RCAN2: variants seen among roughly 807,000 people sequenced by gnomAD.
The protein encoded by RCAN2 is calcipressin-2.
Under a neutral mutation model 23.6 loss-of-function variants are expected in RCAN2, and 9 were observed. That is an observed-to-expected ratio of 0.38 (90% CI 0.23 to 0.67). The LOEUF is 0.67. Ranked by LOEUF, RCAN2 falls within the 30% of genes least tolerant of loss-of-function variation. The pLI is 0.51. For missense variants in RCAN2, 273 were observed against 302.3 expected, an observed-to-expected ratio of 0.90 and a Z score of 0.72; for synonymous variants, 109 against 115.7, an observed-to-expected ratio of 0.94 and a Z score of 0.37.
intron 2 of RCAN2, among the ~76,000 whole-genome samples, chr6:46,267,227 T>C (rs1005985746): frequency 3.3e-5 from 5 of 152,190 alleles, no homozygotes; most frequent in Non-Finnish European, 5.9e-5. Context: ...AAAGGAATAA[T>C]GTTGTTCTTT....
At chr6:46,299,386 T>C (rs1012743994) in intron 2 of RCAN2, among the ~76,000 whole-genome samples, 4 of 152,066 alleles carry the variant, frequency 2.6e-5, no homozygotes, top group African/African-American at 9.7e-5. Context: ...GAGAATTTAG[T>C]GCAGAGTTAC....
intron 2 of RCAN2, among the ~76,000 whole-genome samples, chr6:46,258,897 G>A (rs1350081369): frequency 6.6e-6 from 1 of 152,188 alleles, no homozygotes; most frequent in East Asian, 1.9e-4. Context: ...AAACGTGTAT[G>A]AGGACTATTA....
intron 2 of RCAN2, among the ~76,000 whole-genome samples, chr6:46,304,343 T>C (rs796743570): frequency 2.6e-5 from 4 of 152,290 alleles, no homozygotes; most frequent in African/African-American, 7.2e-5. Context: ...GATACATGTA[T>C]TACAAATATC....
intron 2 of RCAN2, among the ~76,000 whole-genome samples, chr6:46,449,002 A>G (rs1312861456): frequency 6.6e-6 from 1 of 152,080 alleles, no homozygotes; most frequent in East Asian, 1.9e-4. Context: ...AGAAAGAAAT[A>G]AAAGGAATCC....
At chr6:46,279,214 C>A (rs536542787) in intron 2 of RCAN2, among the ~76,000 whole-genome samples, 1 of 152,324 alleles carries the variant, frequency 6.6e-6, no homozygotes, top group African/African-American at 2.4e-5. Flanking sequence ...GCAAGAAGAG[C>A]TGTTGATTCT....
At chr6:46,368,188 T>C (rs144823033) in intron 2 of RCAN2, among the ~76,000 whole-genome samples, 1 of 152,362 alleles carries the variant, frequency 6.6e-6, no homozygotes, top group Non-Finnish European at 1.5e-5. Context: ...AAGCTTTATG[T>C]ACAAAAACAG....
intron 4 of RCAN2, among the ~76,000 whole-genome samples, chr6:46,230,144 G>A (rs942899346): frequency 7.9e-5 from 12 of 152,252 alleles, no homozygotes; most frequent in East Asian, 5.8e-4. Flanking sequence ...TGGAAGCTTC[G>A]TCTCAGAGGG....
chr6:46,456,123 G>T (rs1004397040), intron 2 of RCAN2, among the ~76,000 whole-genome samples: 2 of 152,152 alleles, frequency 1.3e-5, no homozygotes, highest in Non-Finnish European at 2.9e-5. Context: ...CTTAAAATGG[G>T]AAGCTGGAAA....
rs114337398 is a variant in RCAN2, at chr6:46,373,012, A to T, written c.225+83740T>A. Reference sequence around the variant, plus strand: ...ATATAGGAGCTGGGACCAGCATCTTACTGTTAGACCAGTATTTCCTCTGTA... The same window carrying T: ...ATATAGGAGCTGGGACCAGCATCTTTCTGTTAGACCAGTATTTCCTCTGTA... On this transcript the variant is annotated intron_variant, in intron 2 of 4. Coordinates refer to ENST00000371374, the MANE Select transcript of RCAN2 (RefSeq NM_001251974.2). Among the ~76,000 whole-genome samples, 532 of 152,350 alleles carry T rather than the reference A, an allele frequency of 3.5e-3. 3 individuals are homozygous for T. The highest frequency in any genetic ancestry group is 0.012 in the African/African-American group (504 of 41,584).
At chr6:46,328,741 G>C (rs1763870492) in intron 2 of RCAN2, among the ~76,000 whole-genome samples, 1 of 152,180 alleles carries the variant, frequency 6.6e-6, no homozygotes, top group Non-Finnish European at 1.5e-5. Flanking sequence ...TTCCCTAGTA[G>C]CTGGGACTAC....
At chr6:46,441,604 TA>T (rs1401780821) in intron 2 of RCAN2, among the ~76,000 whole-genome samples, 4 of 152,180 alleles carry the variant, frequency 2.6e-5, no homozygotes, top group Admixed American at 2.6e-4. Context: ...TATGGTTGAT[TA>T]AAAAACCTTA....
chr6:46,309,721 C>G (rs528503227), intron 2 of RCAN2, among the ~76,000 whole-genome samples: 3 of 152,236 alleles, frequency 2.0e-5, no homozygotes, highest in African/African-American at 7.2e-5. Flanking sequence ...TCATGTTGAG[C>G]CAATGGTGGT....
intron 2 of RCAN2, among the ~76,000 whole-genome samples, chr6:46,355,539 A>G (rs1453110392): frequency 6.6e-6 from 1 of 152,170 alleles, no homozygotes; most frequent in Non-Finnish European, 1.5e-5. Context: ...TCATGTTTAA[A>G]CCCAGACCCA....
At chr6:46,398,684 T>A (rs1582169932) in intron 2 of RCAN2, among the ~76,000 whole-genome samples, 1 of 152,216 alleles carries the variant, frequency 6.6e-6, no homozygotes, top group East Asian at 1.9e-4. Context: ...CATAGATCCC[T>A]GCACAAATTA....
chr6:46,317,976 A>G (rs1763495053), intron 2 of RCAN2, among the ~76,000 whole-genome samples: 1 of 152,336 alleles, frequency 6.6e-6, no homozygotes, highest in East Asian at 1.9e-4. Flanking sequence ...TACCTGTTAT[A>G]TGCCTTGTAG....
At chr6:46,280,883 G>T (rs1032816958) in intron 2 of RCAN2, among the ~76,000 whole-genome samples, 9 of 151,952 alleles carry the variant, frequency 5.9e-5, no homozygotes, top group Non-Finnish European at 1.0e-4. Flanking sequence ...GTGTGTAGGG[G>T]TGTGTGTGTG....
intron 2 of RCAN2, among the ~76,000 whole-genome samples, chr6:46,271,153 T>C (rs1466513222): frequency 6.6e-6 from 1 of 152,114 alleles, no homozygotes; most frequent in African/African-American, 2.4e-5. Flanking sequence ...TGCCTATCTC[T>C]CTATCTGTCT....
chr6:46,426,908 G>A (rs763185056), intron 2 of RCAN2, among the ~76,000 whole-genome samples: 5 of 152,164 alleles, frequency 3.3e-5, no homozygotes, highest in Non-Finnish European at 5.9e-5. Context: ...AGAGGATAGG[G>A]TTTAAGTAGC....
At chr6:46,455,338 A>G (rs1046679745) in intron 2 of RCAN2, among the ~76,000 whole-genome samples, 1 of 152,212 alleles carries the variant, frequency 6.6e-6, no homozygotes, top group East Asian at 1.9e-4. Context: ...ATATCATTAT[A>G]AAAATATCTT....
Sources: allele counts gnomAD v4.1 joint callset (sites outside exome capture counted in the v4.1 genomes callset), GRCh38; gene constraint gnomAD v4.1.1; transcripts MANE v1.5; gene names NCBI Gene and HGNC (gene_info 2026-07-23, HGNC 2026-07-21).